Variants in ZFAND3 observed in about 807,000 individuals in gnomAD.
ZFAND3 encodes the protein zinc finger AN1-type containing 3.
Under a neutral mutation model 29.6 loss-of-function variants are expected in ZFAND3, and 10 were observed. The observed-to-expected ratio is 0.34, with a 90% CI of 0.21 to 0.57. The LOEUF is 0.57. ZFAND3 is among the 20% of genes least tolerant of loss of function. The pLI, the probability that ZFAND3 is intolerant of heterozygous loss-of-function variation, is 0.86. For synonymous variants in ZFAND3, 128 were observed against 112.6 expected (o/e 1.14, Z -0.87); for missense variants, 230 against 304.5 (o/e 0.76, Z 1.82).
intron 2 of ZFAND3, among the ~76,000 whole-genome samples, chr6:38,017,467 TA>T (rs1198145073): frequency 6.6e-6 from 1 of 152,228 alleles, no homozygotes; most frequent in Non-Finnish European, 1.5e-5. Context: ...GTTTTTAAAA[TA>T]AAGTCTGAAA....
chr6:38,064,378 G>T (rs1391722191), intron 3 of ZFAND3, among the ~76,000 whole-genome samples: 1 of 152,178 alleles, frequency 6.6e-6, no homozygotes, highest in African/African-American at 2.4e-5. Flanking sequence ...GAGGTAGATA[G>T]TGTCATTATA....
intron 1 of ZFAND3, among the ~76,000 whole-genome samples, chr6:37,859,328 C>T (rs895128345): frequency 3.9e-5 from 6 of 152,184 alleles, no homozygotes; most frequent in African/African-American, 1.4e-4. Flanking sequence ...TCCTGGCACA[C>T]TTTTGCTTAA....
At chr6:38,116,464 T>A (rs1424237140) in intron 4 of ZFAND3, 108 bp from the exon 5 acceptor site, 1 of 1,334,584 alleles carries the variant, frequency 7.5e-7, no homozygotes, top group South Asian at 1.5e-5. Context: ...GTCTGATTCC[T>A]GGACAAGGGC....
chr6:37,899,910 A>G (rs1393502667), intron 1 of ZFAND3, among the ~76,000 whole-genome samples: 1 of 152,206 alleles, frequency 6.6e-6, no homozygotes, highest in Non-Finnish European at 1.5e-5. Context: ...TTATACATTT[A>G]AACAGTATAT....
rs548529546 is a variant in ZFAND3, at chr6:37,968,637, A to G, written c.112+38638A>G. Among the ~76,000 whole-genome samples, 6 of 152,300 alleles carry G rather than the reference A, an allele frequency of 3.9e-5. No individual in the cohort carries two copies. The East Asian group carries it at 1.2e-3, about 29-fold the overall frequency. The stretch of plus-strand genomic sequence containing the variant: ...TTGGCACACTCATTCCCAAGACCAC[A>G]TACTTTCTCATGTTTTCTCATCAGG... On this transcript the variant is annotated intron_variant, in intron 2 of 5. Coordinates refer to ENST00000287218, the MANE Select transcript of ZFAND3 (RefSeq NM_021943.3).
intron 2 of ZFAND3, among the ~76,000 whole-genome samples, chr6:38,059,072 A>G (rs534026536): frequency 3.2e-4 from 49 of 152,298 alleles, no homozygotes; most frequent in African/African-American, 1.2e-3. Flanking sequence ...TCTGTACTTC[A>G]TAGAGTAGCG....
At chr6:38,075,997 C>T (rs1764546581) in intron 3 of ZFAND3, among the ~76,000 whole-genome samples, 1 of 152,110 alleles carries the variant, frequency 6.6e-6, no homozygotes, top group African/African-American at 2.4e-5. Flanking sequence ...TGTGATCCGC[C>T]TCCCTCAGCC....
At chr6:37,932,285 A>G (rs1178711624) in intron 2 of ZFAND3, among the ~76,000 whole-genome samples, 5 of 152,102 alleles carry the variant, frequency 3.3e-5, no homozygotes, top group Non-Finnish European at 5.9e-5. Flanking sequence ...AAATAAATAA[A>G]AGGACTGTAT....
At chr6:37,992,083 A>G (rs1762768099) in intron 2 of ZFAND3, among the ~76,000 whole-genome samples, 1 of 152,066 alleles carries the variant, frequency 6.6e-6, no homozygotes, top group Non-Finnish European at 1.5e-5. Flanking sequence ...TAAAAAATTG[A>G]TTGGGACTTT....
chr6:37,924,281 A>G (rs533214372), intron 1 of ZFAND3, among the ~76,000 whole-genome samples: 92 of 150,732 alleles, frequency 6.1e-4, no homozygotes, highest in African/African-American at 2.1e-3. Flanking sequence ...TTTGACCTCT[A>G]CAAAATACAT....
At chr6:37,985,513 A>ACC (rs1554164915) in intron 2 of ZFAND3, among the ~76,000 whole-genome samples, 1 of 147,910 alleles carries the variant, frequency 6.8e-6, no homozygotes, top group Non-Finnish European at 1.5e-5. Context: ...ACACACACAC[A>ACC]CACACACACA....
intron 2 of ZFAND3, among the ~76,000 whole-genome samples, chr6:37,940,434 T>G (rs1288815678): frequency 6.6e-6 from 1 of 152,230 alleles, no homozygotes. Flanking sequence ...AATGTATGAC[T>G]AAAATATCAT....
At chr6:38,050,769 G>C (rs1764011502) in intron 2 of ZFAND3, among the ~76,000 whole-genome samples, 1 of 152,174 alleles carries the variant, frequency 6.6e-6, no homozygotes, top group African/African-American at 2.4e-5. Flanking sequence ...GCACCACTGT[G>C]CCCAGCTGAC....
chr6:37,951,967 G>T (rs1294964285), intron 2 of ZFAND3, among the ~76,000 whole-genome samples: 1 of 152,156 alleles, frequency 6.6e-6, no homozygotes, highest in Non-Finnish European at 1.5e-5. Flanking sequence ...TGTTCACGTG[G>T]TTTTTCTTTT....
chr6:37,874,389 C>G (rs1764754600), intron 1 of ZFAND3, among the ~76,000 whole-genome samples: 1 of 151,978 alleles, frequency 6.6e-6, no homozygotes, highest in African/African-American at 2.4e-5. Flanking sequence ...GTGGCGCATG[C>G]CTGTAATCCC....
intron 2 of ZFAND3, among the ~76,000 whole-genome samples, chr6:38,029,197 C>T (rs1763503607): frequency 6.6e-6 from 1 of 152,170 alleles, no homozygotes; most frequent in African/African-American, 2.4e-5. Flanking sequence ...AATAGTACAG[C>T]TTATAAAACA....
intron 5 of ZFAND3, among the ~76,000 whole-genome samples, chr6:38,121,306 G>A (rs1041132751): frequency 1.1e-4 from 17 of 152,372 alleles, no homozygotes; most frequent in African/African-American, 3.8e-4. Flanking sequence ...CAGCCCAGGA[G>A]TTCGAGGCTA....
chr6:37,914,262 G>A (rs904511753), intron 1 of ZFAND3, among the ~76,000 whole-genome samples: 4 of 152,148 alleles, frequency 2.6e-5, no homozygotes, highest in Middle Eastern at 3.2e-3. Flanking sequence ...AAAATATTCA[G>A]TAAACCATCC....
At chr6:37,935,754 A>G (rs1761687222) in intron 2 of ZFAND3, among the ~76,000 whole-genome samples, 1 of 152,202 alleles carries the variant, frequency 6.6e-6, no homozygotes, top group Non-Finnish European at 1.5e-5. Context: ...AAATCTTGGA[A>G]TCTAATTTGC....
Sources: gnomAD v4.1 joint callset for allele counts (sites outside exome capture counted in the v4.1 genomes callset) on GRCh38, gnomAD v4.1.1 for gene constraint, MANE v1.5 for transcripts, NCBI Gene and HGNC (gene_info 2026-07-23, HGNC 2026-07-21) for gene names.